ATRNL1: variants seen among roughly 807,000 people sequenced by gnomAD.
The protein encoded by ATRNL1 is attractin like 1.
A neutral mutation model predicts 182.7 loss-of-function variants in ATRNL1; 95 were observed. The ratio of observed to expected loss-of-function variants is 0.52; its 90% CI spans 0.44 to 0.62. The LOEUF (loss-of-function observed/expected upper bound fraction) is 0.62. Among genes scored for constraint, ATRNL1 ranks in the 20% least tolerant of loss-of-function variants. ATRNL1 has a pLI of 0.00. For synonymous variants in ATRNL1, 576 were observed against 568.3 expected (o/e 1.01, Z -0.19); for missense variants, 1,471 against 1,679.5 (o/e 0.88, Z 2.17).
chr10:115,560,222 G>A (rs1286868729), intron 26 of ATRNL1, among the ~76,000 whole-genome samples: 2 of 152,136 alleles, frequency 1.3e-5, no homozygotes, highest in Non-Finnish European at 2.9e-5. Flanking sequence ...TATTCACACT[G>A]CTAATAAAGA....
chr10:115,202,381 C>T (rs1354814315), intron 8 of ATRNL1, among the ~76,000 whole-genome samples: 297 of 151,462 alleles, frequency 2.0e-3, no homozygotes, highest in African/African-American at 6.8e-3. Flanking sequence ...TCATAGATAG[C>T]TCTTATTATT....
At chr10:115,268,305 C>A in intron 12 of ATRNL1, 21 bp from the exon 13 acceptor site, 1 of 1,361,644 alleles carries the variant, frequency 7.3e-7, no homozygotes. Flanking sequence ...GCTGATATAT[C>A]GTCCCCCATT....
chr10:115,693,937 G>A (rs1946472748), intron 26 of ATRNL1, among the ~76,000 whole-genome samples: 1 of 151,894 alleles, frequency 6.6e-6, no homozygotes. Context: ...TAGGCATAAG[G>A]GGCCAGAAGC....
chr10:115,326,934 G>C (rs1488097458), intron 18 of ATRNL1, among the ~76,000 whole-genome samples: 34 of 152,070 alleles, frequency 2.2e-4, no homozygotes, highest in Non-Finnish European at 4.1e-4. Context: ...AAAATCAATT[G>C]AAGATGGATT....
intron 26 of ATRNL1, among the ~76,000 whole-genome samples, chr10:115,719,586 T>G (rs1947356663): frequency 6.6e-6 from 1 of 152,182 alleles, no homozygotes; most frequent in African/African-American, 2.4e-5. Flanking sequence ...CTTTCCTAAT[T>G]TACTTCAAAA....
chr10:115,168,995 G>C (rs1412334456), intron 7 of ATRNL1, among the ~76,000 whole-genome samples: 1 of 143,638 alleles, frequency 7.0e-6, no homozygotes, highest in Admixed American at 6.9e-5. Flanking sequence ...TTTGTATATA[G>C]TATGCAGTAA....
chr10:115,847,506 C>A (rs1950956933), intron 27 of ATRNL1, among the ~76,000 whole-genome samples: 1 of 151,958 alleles, frequency 6.6e-6, no homozygotes, highest in Non-Finnish European at 1.5e-5. Context: ...ATGTTGTACA[C>A]CCTATAGACA....
intron 27 of ATRNL1, among the ~76,000 whole-genome samples, chr10:115,802,248 T>G (rs1465738250): frequency 6.6e-6 from 1 of 152,164 alleles, no homozygotes; most frequent in Non-Finnish European, 1.5e-5. Flanking sequence ...TTGTTGATAT[T>G]CTGGGAAAGC....
In ATRNL1 at chr10:115,210,922, CATT is replaced by C. The variant is rs782198122; in HGVS notation, c.1349-4772_1349-4770del. The stretch of plus-strand genomic sequence containing the variant: ...CTTTACTTTTCTCACTTTTAAATAT[CATT>C]ATCTTGAGTATCGGATGGTGTTATA... On this transcript the variant is annotated intron_variant, in intron 8 of 28. Transcript: ENST00000355044. 5.3e-5 allele frequency among the ~76,000 whole-genome samples: 8 copies of C among 152,004 alleles called. No individual in the cohort carries two copies. The East Asian group carries it at 1.5e-3, about 29-fold the overall frequency.
intron 19 of ATRNL1, among the ~76,000 whole-genome samples, chr10:115,360,140 A>G (rs1006130874): frequency 4.0e-5 from 6 of 151,694 alleles, no homozygotes; most frequent in Admixed American, 2.0e-4. Flanking sequence ...ACAACATCCC[A>G]ATACCCAAAA....
chr10:115,270,953 A>G (rs1008448020), intron 13 of ATRNL1, among the ~76,000 whole-genome samples: 1 of 152,146 alleles, frequency 6.6e-6, no homozygotes, highest in Non-Finnish European at 1.5e-5. Flanking sequence ...TCATAATTCT[A>G]CCTAACATAA....
chr10:115,935,206 A>G (rs548943911), intron 28 of ATRNL1, among the ~76,000 whole-genome samples: 2 of 152,332 alleles, frequency 1.3e-5, no homozygotes, highest in East Asian at 1.9e-4. Flanking sequence ...AGCCAGCTAC[A>G]ACACTGCCTG....
At chr10:115,703,229 C>G (rs1328409920) in intron 26 of ATRNL1, among the ~76,000 whole-genome samples, 1 of 151,886 alleles carries the variant, frequency 6.6e-6, no homozygotes, top group Non-Finnish European at 1.5e-5. Flanking sequence ...GAAACTGGAC[C>G]CCTACCTTTC....
chr10:115,355,118 G>A (rs1480933793), intron 19 of ATRNL1, among the ~76,000 whole-genome samples: 1 of 152,038 alleles, frequency 6.6e-6, no homozygotes, highest in Non-Finnish European at 1.5e-5. Context: ...ATATGTATCT[G>A]CCACTCTAGA....
chr10:115,887,256 C>T (rs1951968261), intron 28 of ATRNL1, among the ~76,000 whole-genome samples: 1 of 152,178 alleles, frequency 6.6e-6, no homozygotes, highest in South Asian at 2.1e-4. Context: ...GTGCCCCAAA[C>T]ACAATATGTT....
At chr10:115,777,249 C>G (rs1292672087) in intron 27 of ATRNL1, among the ~76,000 whole-genome samples, 3 of 151,928 alleles carry the variant, frequency 2.0e-5, no homozygotes, top group African/African-American at 7.2e-5. Context: ...TGTTTGACAC[C>G]TAGTAAACAT....
chr10:115,884,336 C>G (rs570969105), intron 28 of ATRNL1, among the ~76,000 whole-genome samples: 3 of 152,276 alleles, frequency 2.0e-5, no homozygotes, highest in Admixed American at 6.5e-5. Flanking sequence ...TTTCACCATG[C>G]AGAATGTTTA....
chr10:115,107,383 A>G (rs553277820), intron 1 of ATRNL1, among the ~76,000 whole-genome samples: 1 of 152,250 alleles, frequency 6.6e-6, no homozygotes, highest in African/African-American at 2.4e-5. Flanking sequence ...AGAACAAACA[A>G]TGTTAAATCT....
chr10:115,890,153 A>G (rs1297423392), intron 28 of ATRNL1, among the ~76,000 whole-genome samples: 4 of 152,222 alleles, frequency 2.6e-5, no homozygotes, highest in Non-Finnish European at 5.9e-5. Context: ...GGAAAACCAG[A>G]GAAGCCCTCG....
Sources: gnomAD v4.1 joint callset for allele counts (sites outside exome capture counted in the v4.1 genomes callset) on GRCh38, gnomAD v4.1.1 for gene constraint, MANE v1.5 for transcripts, NCBI Gene and HGNC (gene_info 2026-07-23, HGNC 2026-07-21) for gene names.